The following TSHZ2 variants were observed in gnomAD, a reference collection of about 807,000 sequenced individuals.
The protein encoded by TSHZ2 is teashirt homolog 2.
A neutral mutation model predicts 74.4 loss-of-function variants in TSHZ2; 21 were observed. The ratio of observed to expected loss-of-function variants is 0.28; its 90% CI spans 0.20 to 0.41. The LOEUF (loss-of-function observed/expected upper bound fraction) is 0.41. Ranked by LOEUF, TSHZ2 falls within the 10% of genes least tolerant of loss-of-function variation. TSHZ2 has a pLI of 1.00. For synonymous variants in TSHZ2, 540 were observed against 515.3 expected (o/e 1.05, Z -0.65); for missense variants, 1,244 against 1,293.5 (o/e 0.96, Z 0.59).
chr20:53,083,337 G>C (rs1985592927), intron 1 of TSHZ2, among the ~76,000 whole-genome samples: 1 of 152,152 alleles, frequency 6.6e-6, no homozygotes, highest in African/African-American at 2.4e-5. Flanking sequence ...AGGTAAATAA[G>C]ACATTGCTTG....
chr20:53,377,935 G>C (rs1981720177), intron 2 of TSHZ2, among the ~76,000 whole-genome samples: 1 of 152,124 alleles, frequency 6.6e-6, no homozygotes, highest in Admixed American at 6.5e-5. Flanking sequence ...CTTGTCTCAA[G>C]GTCTCAGGGA....
intron 1 of TSHZ2, among the ~76,000 whole-genome samples, chr20:52,999,582 A>G (rs1473876504): frequency 6.6e-6 from 1 of 152,224 alleles, no homozygotes; most frequent in Non-Finnish European, 1.5e-5. Context: ...GTATGTGACC[A>G]TAAAACTGAG....
intron 1 of TSHZ2, among the ~76,000 whole-genome samples, chr20:53,237,993 G>T (rs1222490883): frequency 6.6e-6 from 1 of 152,092 alleles, no homozygotes; most frequent in African/African-American, 2.4e-5. Flanking sequence ...ATATACATCT[G>T]GATAGAGGGG....
chr20:53,185,533 G>C, intron 1 of TSHZ2: 3 of 1,426,128 alleles, frequency 2.1e-6, no homozygotes, highest in Non-Finnish European at 2.8e-6. Context: ...AGAATTCCTT[G>C]AACTGGGACC....
chr20:53,234,949 G>C (rs1218507845), intron 1 of TSHZ2, among the ~76,000 whole-genome samples: 1 of 152,066 alleles, frequency 6.6e-6, no homozygotes, highest in African/African-American at 2.4e-5. Context: ...GTTAAGCATT[G>C]ACAGTAAGCC....
chr20:53,047,998 G>T (rs1474444268), intron 1 of TSHZ2, among the ~76,000 whole-genome samples: 2 of 152,184 alleles, frequency 1.3e-5, no homozygotes, highest in East Asian at 3.9e-4. Context: ...TTAGTAAACA[G>T]GTTCGTAAGT....
chr20:53,332,633 C>T (rs764992981), intron 2 of TSHZ2, among the ~76,000 whole-genome samples: 73 of 152,080 alleles, frequency 4.8e-4, no homozygotes, highest in Non-Finnish European at 9.0e-4. Context: ...AATGGAATGA[C>T]GAGGCGAAAC....
At chr20:53,193,328 G>A (rs931631454) in intron 1 of TSHZ2, among the ~76,000 whole-genome samples, 7 of 152,120 alleles carry the variant, frequency 4.6e-5, no homozygotes, top group African/African-American at 1.7e-4. Flanking sequence ...CTCCTGGGCT[G>A]ACAACTGCTC....
intron 1 of TSHZ2, among the ~76,000 whole-genome samples, chr20:53,109,694 A>T (rs1042565926): frequency 6.6e-6 from 1 of 152,162 alleles, no homozygotes; most frequent in African/African-American, 2.4e-5. Context: ...TTGGTTGTGG[A>T]TGTAGTTGCG....
intron 2 of TSHZ2, among the ~76,000 whole-genome samples, chr20:53,325,313 C>T (rs1314219728): frequency 6.6e-6 from 1 of 152,196 alleles, no homozygotes; most frequent in Admixed American, 6.5e-5. Context: ...ATTGATTTAA[C>T]AGGGACTTTC....
intron 1 of TSHZ2, among the ~76,000 whole-genome samples, chr20:53,061,945 T>C: frequency 6.6e-6 from 1 of 152,196 alleles, no homozygotes; most frequent in Non-Finnish European, 1.5e-5. Context: ...ATAGATTGCA[T>C]CATTTTTTCT....
chr20:53,012,053 A>G (rs1274691897), intron 1 of TSHZ2, among the ~76,000 whole-genome samples: 1 of 152,178 alleles, frequency 6.6e-6, no homozygotes. Context: ...ATCTGGTTTC[A>G]AAGCCAGTGT....
intron 1 of TSHZ2, among the ~76,000 whole-genome samples, chr20:52,981,567 T>C (rs929042436): frequency 1.3e-4 from 20 of 152,154 alleles, no homozygotes; most frequent in African/African-American, 4.8e-4. Context: ...ACAAGCAACT[T>C]ACCAGTTATC....
At chr20:53,418,371 T>C (rs1412245212) in intron 2 of TSHZ2, among the ~76,000 whole-genome samples, 1 of 152,186 alleles carries the variant, frequency 6.6e-6, no homozygotes, top group African/African-American at 2.4e-5. Context: ...CATAGGCGTA[T>C]TAGTCTGTTT....
chr20:53,037,508 C>T (rs1203249994), intron 1 of TSHZ2, among the ~76,000 whole-genome samples: 2 of 152,172 alleles, frequency 1.3e-5, no homozygotes, highest in African/African-American at 2.4e-5. Context: ...ATCTTCAAAT[C>T]ATCCCCTAAG....
chr20:52,993,686 G>A (rs1481293672), intron 1 of TSHZ2, among the ~76,000 whole-genome samples: 1 of 152,182 alleles, frequency 6.6e-6, no homozygotes, highest in Non-Finnish European at 1.5e-5. Context: ...AGATAAAACA[G>A]TAGCAATGGA....
chr20:53,214,100 G>C (rs941121251), intron 1 of TSHZ2, among the ~76,000 whole-genome samples: 1 of 152,130 alleles, frequency 6.6e-6, no homozygotes, highest in African/African-American at 2.4e-5. Context: ...GTGACATATG[G>C]TAAGTAGCCC....
intron 1 of TSHZ2, among the ~76,000 whole-genome samples, chr20:53,219,351 G>T (rs749779850): frequency 2.6e-5 from 4 of 152,174 alleles, no homozygotes; most frequent in Non-Finnish European, 5.9e-5. Context: ...AAAGCAAGTG[G>T]CAGTGTTGCT....
intron 1 of TSHZ2, among the ~76,000 whole-genome samples, chr20:53,063,540 A>T (rs1984884428): frequency 6.6e-6 from 1 of 152,220 alleles, no homozygotes; most frequent in African/African-American, 2.4e-5. Flanking sequence ...CCTGCAGAAG[A>T]TGAGAACTGG....
Sources: allele counts gnomAD v4.1 joint callset (sites outside exome capture counted in the v4.1 genomes callset), GRCh38; gene constraint gnomAD v4.1.1; transcripts MANE v1.5; gene names NCBI Gene and HGNC (gene_info 2026-07-23, HGNC 2026-07-21).